Variants in CYP4F12 observed in about 807,000 individuals in gnomAD.
CYP4F12 encodes cytochrome P450 family 4 subfamily F member 12, also known as cytochrome P450 4F12.
In CYP4F12, 60 loss-of-function variants were observed where a neutral mutation model predicts 56.5. The ratio of observed to expected loss-of-function variants is 1.06; its 90% CI spans 0.86 to 1.32. The LOEUF is 1.32. CYP4F12 is among the 40% of genes most tolerant of loss of function. The pLI is 0.00. For synonymous variants in CYP4F12, 263 were observed against 264.9 expected (o/e 0.99, Z 0.07); for missense variants, 711 against 683.5 (o/e 1.04, Z -0.45).
At chr19:15,682,789 G>C (rs866538707) in intron 6 of CYP4F12, among the ~76,000 whole-genome samples, 2 of 152,222 alleles carry the variant, frequency 1.3e-5, no homozygotes, top group Non-Finnish European at 2.9e-5. Flanking sequence ...ATCAGGAAAA[G>C]TGGTATGAAG....
chr19:15,696,012 A>G lies in CYP4F12; in HGVS notation c.1192A>G (p.Ile398Val), dbSNP rs2144770835. 1 of 1,613,972 alleles carries G rather than the reference A, an allele frequency of 6.2e-7. No homozygotes were observed. Among genetic ancestry groups the G allele is most frequent in the East Asian group, 2.2e-5 (1 of 44,874 alleles). Reference protein sequence around the residue: ...SLRLHPPAPFISRCCTQDIVL... With the variant: ...SLRLHPPAPFVSRCCTQDIVL... ...GAGGTTACATCCCCCAGCTCCCTTCATCTCCCGATGCTGCACCCAGGACAT... is the reference window on the plus strand; with the variant it reads ...GAGGTTACATCCCCCAGCTCCCTTCGTCTCCCGATGCTGCACCCAGGACAT... Residue 398 changes from isoleucine to valine, a missense_variant, in exon 10 of 13, where the codon ATC (isoleucine) becomes GTC (valine). Ile to Val is a conservative substitution (Grantham distance 29). Coordinates refer to ENST00000550308, the MANE Select transcript of CYP4F12 (RefSeq NM_023944.4).
rs760103260 is a variant in CYP4F12 at position 15,696,959 on chromosome 19, G to A, written c.1449G>A (p.Ala483=). The change falls in exon 13 of 13, where the codon GCG becomes GCA. Residue 483 remains alanine, a synonymous_variant. Coordinates refer to ENST00000550308, the MANE Select transcript of CYP4F12 (RefSeq NM_023944.4). ...FAMAEMKVVL[A]LMLLHFRFLP... is the part of the protein sequence containing the mutation. ...TGGCGGAGATGAAAGTGGTCCTGGCGTTGATGCTGCTGCACTTCCGGTTCC... is the reference window on the plus strand; with the variant it reads ...TGGCGGAGATGAAAGTGGTCCTGGCATTGATGCTGCTGCACTTCCGGTTCC... 7.4e-6 allele frequency: 12 copies of A among 1,614,212 alleles called. No individual in the cohort carries two copies. The highest frequency in any genetic ancestry group is 1.0e-5 in the Non-Finnish European group (12 of 1,180,020).
In CYP4F12 at chr19:15,680,248, C is replaced by T. The variant is rs1374772408; in HGVS notation, c.348C>T (p.Ala116=). 6.2e-7 allele frequency: 1 copy of T among 1,602,114 alleles called. No homozygotes were observed. Among genetic ancestry groups the T allele is most frequent in the South Asian group, 1.1e-5 (1 of 88,794 alleles). Residue 116 remains alanine (A), a synonymous_variant, in exon 4 of 13, where the codon GCC becomes GCT. Transcript: ENST00000550308. ...TIRSITNASA[A]IAPKDNLFIR... ...GATGGTCCTCGTTCATGTCAGCTGC[C>T]ATTGCACCCAAGGATAATCTCTTCA...
intron 5 of CYP4F12, chr19:15,680,725 T>A (rs1568417334): frequency 1.5e-6 from 1 of 651,514 alleles, no homozygotes; most frequent in Non-Finnish European, 2.7e-6. Context: ...TCAGAAGGTG[T>A]CAGTTTCTGT....
At chr19:15,688,250 G>A (rs541032110) in intron 9 of CYP4F12, among the ~76,000 whole-genome samples, 66 of 151,890 alleles carry the variant, frequency 4.3e-4, no homozygotes, top group African/African-American at 1.6e-3. Context: ...CCACTCCCTT[G>A]TCAAACTCTT....
At chr19:15,675,212 C>T in intron 2 of CYP4F12, among the ~76,000 whole-genome samples, 1 of 73,332 alleles carries the variant, frequency 1.4e-5, no homozygotes, top group Admixed American at 1.7e-4. Context: ...CCAAACCTTT[C>T]CCTCCGACTG....
At chr19:15,683,072 G>C (rs544619408) in intron 6 of CYP4F12, among the ~76,000 whole-genome samples, 1 of 147,606 alleles carries the variant, frequency 6.8e-6, no homozygotes, top group South Asian at 2.1e-4. Context: ...GAGAGAGGGA[G>C]AGAGAGAGAG....
chr19:15,677,811 TGCTC>T (rs375231324), intron 2 of CYP4F12, among the ~76,000 whole-genome samples: 8 of 43,256 alleles, frequency 1.8e-4, no homozygotes, highest in African/African-American at 5.1e-4. Context: ...CTCATTCTTC[TGCTC>T]GCTCACTCAC....
At chr19:15,686,860 G>C (rs1371918193) in intron 9 of CYP4F12, among the ~76,000 whole-genome samples, 1 of 152,196 alleles carries the variant, frequency 6.6e-6, no homozygotes, top group Non-Finnish European at 1.5e-5. Flanking sequence ...GTGTTTTGGA[G>C]GCCGTGTCCT....
intron 9 of CYP4F12, among the ~76,000 whole-genome samples, chr19:15,691,527 A>G (rs1390203084): frequency 1.3e-5 from 2 of 152,152 alleles, no homozygotes; most frequent in Non-Finnish European, 2.9e-5. Flanking sequence ...TTCATATTTC[A>G]TCTTTTAATG....
intron 5 of CYP4F12, chr19:15,681,232 C>T (rs768317166): frequency 1.3e-5 from 2 of 153,588 alleles, no homozygotes; most frequent in Admixed American, 6.5e-5. Context: ...AGTCGAAAGT[C>T]AAAAGTCCAG....
At chr19:15,673,793 G>A in intron 2 of CYP4F12, 66 bp downstream of exon 2, 1 of 1,577,832 alleles carries the variant, frequency 6.3e-7, no homozygotes. Flanking sequence ...AGCAGGAATG[G>A]GGCTCAGTGA....
At chr19:15,696,249 C>G (rs371908662) in intron 11 of CYP4F12, 24 bp downstream of exon 11, 6 of 1,613,826 alleles carry the variant, frequency 3.7e-6, no homozygotes, top group Non-Finnish European at 5.1e-6. Flanking sequence ...CATTCACCAC[C>G]ACCACCCCCA....
Position 15,695,985 on chromosome 19 carries a change from C to A in CYP4F12, c.1165C>A (p.Leu389Met). 6.2e-7 allele frequency: 1 copy of A among 1,614,018 alleles called. No homozygotes were observed. The highest frequency in any genetic ancestry group is 8.5e-7 in the Non-Finnish European group (1 of 1,179,976). The change falls in exon 10 of 13, where the codon CTG becomes ATG. Residue 389 changes from leucine (L) to methionine (M), a missense_variant. Transcript: ENST00000550308. Reference protein sequence around the residue: ...PFLTMCVKESLRLHPPAPFIS... With the variant: ...PFLTMCVKESMRLHPPAPFIS... ...CCTGACCATGTGCGTGAAGGAGAGC[C>A]TGAGGTTACATCCCCCAGCTCCCTT...
At chr19:15,694,571 A>C (rs1435467435) in intron 9 of CYP4F12, among the ~76,000 whole-genome samples, 1 of 152,176 alleles carries the variant, frequency 6.6e-6, no homozygotes. Context: ...GTTGCTTATC[A>C]GCTTAAGGAG....
intron 7 of CYP4F12, chr19:15,684,510 G>C (rs1216421456): frequency 3.0e-6 from 1 of 332,178 alleles, no homozygotes; most frequent in Admixed American, 4.5e-5. Flanking sequence ...TGTACCCCAG[G>C]TTGCCAGTAT....
chr19:15,680,578 C>G (rs954142297), intron 5 of CYP4F12, 59 bp downstream of exon 5: 2 of 1,612,588 alleles, frequency 1.2e-6, no homozygotes, highest in African/African-American at 1.3e-5. Context: ...ACCATGGACA[C>G]ATCTGGTCTG....
intron 9 of CYP4F12, among the ~76,000 whole-genome samples, chr19:15,692,410 A>T (rs1287829093): frequency 6.6e-6 from 1 of 152,186 alleles, no homozygotes; most frequent in Non-Finnish European, 1.5e-5. Context: ...TATGACTAGT[A>T]TCTTTTCTTT....
chr19:15,680,606 G>T (rs969444395), intron 5 of CYP4F12, 87 bp downstream of exon 5: 5 of 1,547,942 alleles, frequency 3.2e-6, no homozygotes, highest in Non-Finnish European at 3.6e-6. Context: ...GGCTCTTCTG[G>T]GTGGCACTGG....
Sources: allele counts gnomAD v4.1 joint callset (sites outside exome capture counted in the v4.1 genomes callset), GRCh38; gene constraint gnomAD v4.1.1; transcripts MANE v1.5; gene names NCBI Gene and HGNC (gene_info 2026-07-23, HGNC 2026-07-21).